KIF11: variants seen among roughly 807,000 people sequenced by gnomAD.
The protein encoded by KIF11 is kinesin family member 11, also known as kinesin-like protein KIF11.
Under a neutral mutation model 121.0 loss-of-function variants are expected in KIF11, and 9 were observed. The observed-to-expected ratio is 0.07, with a 90% CI of 0.04 to 0.13. The LOEUF is 0.13. Among genes scored for constraint, KIF11 ranks in the 10% least tolerant of loss-of-function variants. KIF11 has a pLI of 1.00. For missense variants in KIF11, 846 were observed against 1,217.5 expected (o/e 0.69, Z 4.54); for synonymous variants, 408 against 421.0 (o/e 0.97, Z 0.38).
At chr10:92,600,345 A>C (rs922880706) in intron 1 of KIF11, among the ~76,000 whole-genome samples, 1 of 152,000 alleles carries the variant, frequency 6.6e-6, no homozygotes, top group African/African-American at 2.4e-5. Context: ...GTTCTGGGGT[A>C]CATGTGCATG....
In KIF11 at chr10:92,642,971, G is replaced by A. The variant is rs969485773; in HGVS notation, c.2268-2392G>A. Reference sequence around the variant, plus strand: ...CTGTGGCCCAGGCCGGAGTACAGTGGTGCAATCTTGGCTCACTGCAACCTC... The same window carrying A: ...CTGTGGCCCAGGCCGGAGTACAGTGATGCAATCTTGGCTCACTGCAACCTC... On this transcript the variant is annotated intron_variant, in intron 17 of 21. Coordinates refer to ENST00000260731, the MANE Select transcript of KIF11 (RefSeq NM_004523.4). Among the ~76,000 whole-genome samples, 9 of 152,306 alleles carry A rather than the reference G, an allele frequency of 5.9e-5. No individual in the cohort carries two copies. In the East Asian group the frequency reaches 1.5e-3, roughly 26 times the overall value.
rs779933174 is a variant in KIF11, at chr10:92,637,347, G to T, written c.2001+38G>T. The T allele has an allele frequency of 1.9e-6, 3 of 1,579,594 alleles. No individual in the cohort carries two copies. In the Admixed American group the frequency reaches 6.4e-5, roughly 34 times the overall value. On this transcript the variant is annotated intron_variant, in intron 15 of 21. Coordinates refer to ENST00000260731, the MANE Select transcript of KIF11 (RefSeq NM_004523.4). ...ATGTTCTTAATATCTCAAAATTGAT[G>T]TGTTGTTTAAGAAGGAAACTCATTT...
chr10:92,595,741 T>A (rs1844287622), intron 1 of KIF11, among the ~76,000 whole-genome samples: 1 of 152,096 alleles, frequency 6.6e-6, no homozygotes, highest in African/African-American at 2.4e-5. Flanking sequence ...CATTTCCCTC[T>A]CCCATCAACC....
At chr10:92,594,065 C>T (rs569235953) in intron 1 of KIF11, among the ~76,000 whole-genome samples, 12 of 152,108 alleles carry the variant, frequency 7.9e-5, no homozygotes, top group Non-Finnish European at 1.6e-4. Context: ...GTGTTCGGCC[C>T]TCCCCTGACT....
In KIF11 at chr10:92,632,557, A is replaced by T. The variant is rs147148368; in HGVS notation, c.1566A>T (p.Ala522=). 1.2e-5 allele frequency: 20 copies of T among 1,613,668 alleles called. No individual in the cohort carries two copies. Among genetic ancestry groups the T allele is most frequent in the Non-Finnish European group, 1.6e-5 (19 of 1,179,664 alleles). The change falls in exon 13 of 22, where the codon GCA becomes GCT. Residue 522 remains alanine, a synonymous_variant. Coordinates refer to ENST00000260731, the MANE Select transcript of KIF11 (RefSeq NM_004523.4). ...ATTCCAAACTGGATCGTAAGAAGGC[A>T]GTTGACCAACACAATGCAGAAGCTC... ...GLHSKLDRKK[A]VDQHNAEAQD...
At chr10:92,608,879 GGTTA>G in intron 4 of KIF11, 137 bp from the exon 5 acceptor site, 2 of 523,130 alleles carry the variant, frequency 3.8e-6, no homozygotes, top group Non-Finnish European at 6.6e-6. Flanking sequence ...TCTAACATTA[GGTTA>G]GTTGTTTCTT....
intron 17 of KIF11, 98 bp downstream of exon 17, chr10:92,639,998 T>A (rs1244574027): frequency 2.1e-5 from 13 of 611,804 alleles, no homozygotes; most frequent in Non-Finnish European, 2.8e-5. Flanking sequence ...CTGTGTACTT[T>A]CAAATTTCTC....
At chr10:92,641,629 G>A (rs10882096) in intron 17 of KIF11, among the ~76,000 whole-genome samples, 173 of 152,006 alleles carry the variant, frequency 1.1e-3, no homozygotes, top group African/African-American at 4.0e-3. Flanking sequence ...CTTATATTTC[G>A]TTGAGTTTAT....
intron 4 of KIF11, 43 bp from the exon 5 acceptor site, chr10:92,608,977 A>T (rs77046812): frequency 8.9e-7 from 1 of 1,128,192 alleles, no homozygotes; most frequent in Non-Finnish European, 1.2e-6. Context: ...CTGCCACAGT[A>T]AATGGCATTC....
chr10:92,648,180 T>C, intron 18 of KIF11, 32 bp from the exon 19 acceptor site: 1 of 1,383,098 alleles, frequency 7.2e-7, no homozygotes, highest in African/African-American at 1.5e-5. Context: ...ACTTTAATTT[T>C]AGTAATAAAT....
Position 92,633,673 on chromosome 10 carries a change from G to T in KIF11, c.1753G>T (p.Ala585Ser). The T allele has an allele frequency of 1.2e-6, 2 of 1,607,098 alleles. No individual in the cohort carries two copies. The highest frequency in any genetic ancestry group is 1.7e-6 in the Non-Finnish European group (2 of 1,174,316). Residue 585 changes from alanine to serine, a missense_variant, in exon 14 of 22, where the codon GCA (alanine) becomes TCA (serine). By Grantham distance (99) the Ala-to-Ser change is moderately conservative. Around this residue, in one of 5 missense-constraint regions of KIF11, gnomAD observed 492 missense variants for 603.4 expected, o/e 0.82. Transcript: ENST00000260731. ...TGCATTAGATACCATTACTACAGTA[G>T]CACTTGGATCTCTCACATCTATTCC... is the stretch of plus-strand genomic sequence containing the variant. ...VSALDTITTV[A>S]LGSLTSIPEN...
chr10:92,651,044 CT>C (rs757638479), intron 21 of KIF11, among the ~76,000 whole-genome samples: 10 of 147,826 alleles, frequency 6.8e-5, no homozygotes, highest in Non-Finnish European at 7.5e-5. Context: ...ACCCACTCTT[CT>C]TTTTTTTTTG....
chr10:92,646,441 G>A (rs948808099), intron 18 of KIF11, among the ~76,000 whole-genome samples: 9 of 152,056 alleles, frequency 5.9e-5, no homozygotes, highest in African/African-American at 1.9e-4. Context: ...AACATTCTCA[G>A]GAAGTAGGTA....
intron 18 of KIF11, among the ~76,000 whole-genome samples, chr10:92,646,203 C>T (rs1271513443): frequency 6.6e-5 from 10 of 152,088 alleles, no homozygotes; most frequent in African/African-American, 2.4e-4. Flanking sequence ...CCACCCGCCT[C>T]GGCCTCCCAA....
rs963865830 is a variant in KIF11, at chr10:92,648,084, G to T, written c.2548-128G>T. 5.7e-5 allele frequency: 36 copies of T among 629,592 alleles called. 1 individual carries two copies. The highest frequency in any genetic ancestry group is 9.5e-5 in the Non-Finnish European group (36 of 377,258). 39.0% of individuals were successfully genotyped at this position (629,592 alleles called of 1,614,324 possible). ...TACTCATGCCACTGCACTCCAGCCT[G>T]GGCAACAGAGTGAGACTTGTCTCCA... On this transcript the variant is annotated intron_variant, in intron 18 of 21. Coordinates refer to ENST00000260731, the MANE Select transcript of KIF11 (RefSeq NM_004523.4).
rs201287271 is a variant in KIF11, at chr10:92,653,812, G to C, written c.*16G>C. ...CAACCTTTAATTCACTTGGGGGTTG[G>C]CAATTTTATTTTTAAAGAAAACTTA... is the stretch of plus-strand genomic sequence containing the variant. On this transcript the variant is annotated 3_prime_UTR_variant, in exon 22 of 22. Transcript: ENST00000260731. 12 of 1,591,564 alleles carry C rather than the reference G, an allele frequency of 7.5e-6. No homozygotes were observed. In the East Asian group the frequency reaches 2.2e-4, roughly 30 times the overall value.
At chr10:92,621,255 CT>C (rs1322600551) in intron 9 of KIF11, 129 bp from the exon 10 acceptor site, 1 of 503,928 alleles carries the variant, frequency 2.0e-6, no homozygotes, top group Non-Finnish European at 3.5e-6. Flanking sequence ...ATGGTTATAA[CT>C]TTTTATCATA....
At chr10:92,631,423 G>A (rs1011646793) in intron 12 of KIF11, among the ~76,000 whole-genome samples, 11 of 148,064 alleles carry the variant, frequency 7.4e-5, no homozygotes, top group African/African-American at 2.0e-4. Flanking sequence ...CTGCAGTGGC[G>A]CAATCTCGGC....
rs534020984 is a variant in KIF11 at position 92,605,765 on chromosome 10, C to T, written c.78-500C>T. On this transcript the variant is annotated intron_variant, in intron 1 of 21. Transcript: ENST00000260731. Reference sequence around the variant, plus strand: ...CCTCCCAAAGTGCTGGGATTACAGGCGTGAGCCACTGCGCCCAGCCTTGAT... The same window carrying T: ...CCTCCCAAAGTGCTGGGATTACAGGTGTGAGCCACTGCGCCCAGCCTTGAT... Among the ~76,000 whole-genome samples, 540 of 152,248 alleles carry T rather than the reference C, an allele frequency of 3.5e-3. 2 individuals carry two copies. The highest frequency in any genetic ancestry group is 0.012 in the African/African-American group (514 of 41,546).
Sources: allele counts gnomAD v4.1 joint callset (sites outside exome capture counted in the v4.1 genomes callset), GRCh38; gene constraint gnomAD v4.1.1; regional missense constraint gnomAD v4.1.1; transcripts MANE v1.5; gene names NCBI Gene and HGNC (gene_info 2026-07-23, HGNC 2026-07-21).